The following TMEM164 variants were observed in gnomAD, a reference collection of about 807,000 sequenced individuals.
TMEM164 encodes RP13-360B22.2.
TMEM164 carries 4 observed loss-of-function variants against 18.8 expected under a neutral mutation model. The ratio of observed to expected loss-of-function variants is 0.21; its 90% CI spans 0.10 to 0.49. The LOEUF (loss-of-function observed/expected upper bound fraction) is 0.49. Ranked by LOEUF, TMEM164 falls within the 20% of genes least tolerant of loss-of-function variation. The pLI is 0.98. For missense variants in TMEM164, 108 were observed against 239.9 expected (o/e 0.45, Z 3.63); for synonymous variants, 86 against 101.7 (o/e 0.85, Z 0.93).
intron 2 of TMEM164, among the ~76,000 whole-genome samples, chrX:110,034,532 G>C (rs1398509576): frequency 8.9e-6 from 1 of 112,366 alleles, no homozygotes; most frequent in African/African-American, 3.2e-5. Flanking sequence ...GTGAGTGAAT[G>C]TGTGTGGCAG....
chrX:110,095,358 C>G (rs922364601), intron 3 of TMEM164, among the ~76,000 whole-genome samples: 15 of 111,945 alleles, frequency 1.3e-4, no homozygotes, highest in Non-Finnish European at 1.7e-4. Flanking sequence ...TCCCATATTT[C>G]TTGGAGGCTT....
At chrX:110,057,380 ATTTTCT>A (rs1935890000) in intron 2 of TMEM164, among the ~76,000 whole-genome samples, 2 of 110,515 alleles carry the variant, frequency 1.8e-5, no homozygotes, top group South Asian at 7.7e-4. Flanking sequence ...AATATACCAC[ATTTTCT>A]TTATTCATGC....
chrX:110,067,152 G>GCGCA (rs1936379820), intron 2 of TMEM164, among the ~76,000 whole-genome samples, 195 bp from the exon 3 acceptor site: 1 of 42,813 alleles, frequency 2.3e-5, no homozygotes, highest in African/African-American at 1.4e-4. Context: ...TCTCATGTGT[G>GCGCA]CGCACACACA....
At chrX:110,160,492 A>G (rs2067078447) in intron 5 of TMEM164, among the ~76,000 whole-genome samples, 1 of 112,358 alleles carries the variant, frequency 8.9e-6, no homozygotes, top group Non-Finnish European at 1.9e-5. Context: ...AATTTTAAAA[A>G]TATTTTGGTA....
At chrX:110,164,094 A>G (rs2067128862) in intron 5 of TMEM164, among the ~76,000 whole-genome samples, 1 of 112,221 alleles carries the variant, frequency 8.9e-6, no homozygotes, top group African/African-American at 3.2e-5. Context: ...ATTGCCTGGC[A>G]ACATGAAAGA....
At position 110,052,124 on chromosome X, in the gene TMEM164, A is replaced by T. The variant is rs181637204; in HGVS notation, c.391-15223A>T. Among the ~76,000 whole-genome samples the T allele has an allele frequency of 3.2e-4, 36 of 110,858 alleles. No homozygotes were observed. In the East Asian group the frequency reaches 6.5e-3, roughly 20 times the overall value. ...ATCTTAGCCATCAGTCCATGTTAGTACATATAAATCAACCTCATTCTTAAG... is the reference window on the plus strand; with the variant it reads ...ATCTTAGCCATCAGTCCATGTTAGTTCATATAAATCAACCTCATTCTTAAG... On this transcript the variant is annotated intron_variant, in intron 2 of 6. Transcript: ENST00000372068.
rs190070327 is a variant in TMEM164, at chrX:110,112,954, C to A, written c.507+3808C>A. 4.5e-5 allele frequency among the ~76,000 whole-genome samples: 5 copies of A among 111,135 alleles called. No individual in the cohort carries two copies. The East Asian group carries it at 1.4e-3, about 32-fold the overall frequency. ...CTCCAACATATGAATTTTGGGGGGACACAATTCAGCTCATAGCACCCATAC... is the reference window on the plus strand; with the variant it reads ...CTCCAACATATGAATTTTGGGGGGAAACAATTCAGCTCATAGCACCCATAC... On this transcript the variant is annotated intron_variant, in intron 4 of 6. Transcript: ENST00000372068.
At chrX:110,102,571 T>C (rs2066128221) in intron 3 of TMEM164, among the ~76,000 whole-genome samples, 1 of 112,206 alleles carries the variant, frequency 8.9e-6, no homozygotes, top group Admixed American at 9.4e-5. Flanking sequence ...TTGTTATGAA[T>C]AATGTGATAT....
chrX:110,021,894 C>T (rs935651968), intron 2 of TMEM164, among the ~76,000 whole-genome samples: 1 of 111,518 alleles, frequency 9.0e-6, no homozygotes, highest in Admixed American at 9.5e-5. Flanking sequence ...TTTTGTGAGC[C>T]CTTGAAGGCC....
At chrX:110,179,530 C>T (rs144897820), downstream of TMEM164, among the ~76,000 whole-genome samples, 947 of 112,411 alleles carry the variant, frequency 8.4e-3, 6 homozygotes, top group Non-Finnish European at 0.014. Flanking sequence ...TGGCATGCCA[C>T]GCCATTTCCC....
At chrX:110,076,104 C>CT (rs1342998629) in intron 3 of TMEM164, among the ~76,000 whole-genome samples, 5 of 106,034 alleles carry the variant, frequency 4.7e-5, no homozygotes, top group Non-Finnish European at 5.8e-5. Context: ...TGGTCCATGG[C>CT]TTTTTTTGGT....
intron 2 of TMEM164, among the ~76,000 whole-genome samples, chrX:110,037,566 C>A (rs1202498719): frequency 8.9e-6 from 1 of 111,963 alleles, no homozygotes; most frequent in African/African-American, 3.3e-5. Flanking sequence ...AGCTGGGGGG[C>A]TGTGGAGAAT....
chrX:110,061,922 C>T (rs917716698), intron 2 of TMEM164, among the ~76,000 whole-genome samples: 8 of 111,159 alleles, frequency 7.2e-5, no homozygotes, highest in Admixed American at 2.9e-4. Context: ...ATAGGATTAG[C>T]AAAGGCACAA....
At chrX:110,157,593 G>A (rs1018295368) in intron 5 of TMEM164, among the ~76,000 whole-genome samples, 4 of 111,712 alleles carry the variant, frequency 3.6e-5, no homozygotes, top group Non-Finnish European at 7.5e-5. Flanking sequence ...ACAAGTTGAT[G>A]ACAACTGCTG....
chrX:110,096,681 C>G (rs1340412419), intron 3 of TMEM164, among the ~76,000 whole-genome samples: 1 of 112,129 alleles, frequency 8.9e-6, no homozygotes, highest in African/African-American at 3.2e-5. Flanking sequence ...GCTTCATGGG[C>G]TGCACCCACT....
rs1491520805 is a variant in TMEM164 at position 110,087,121 on chromosome X, ATG to A, written c.440+19726_440+19727del. On this transcript the variant is annotated intron_variant, in intron 3 of 6. Coordinates refer to ENST00000372068, the MANE Select transcript of TMEM164 (RefSeq NM_032227.4). ...CTTGTAGTACAAATGGTGACTAGTG[ATG>A]CTTCTGGTAGTTGATCTGAGCTCTT... Among the ~76,000 whole-genome samples, 29 of 112,117 alleles carry A rather than the reference ATG, an allele frequency of 2.6e-4. No homozygotes were observed. The Admixed American group carries it at 2.8e-3, about 11-fold the overall frequency.
At chrX:110,118,815 C>T (rs778107860) in intron 4 of TMEM164, among the ~76,000 whole-genome samples, 9 of 111,370 alleles carry the variant, frequency 8.1e-5, no homozygotes, top group East Asian at 2.8e-4. Flanking sequence ...TCAAAAATGG[C>T]GACATTTGAT....
downstream of TMEM164, among the ~76,000 whole-genome samples, chrX:110,181,220 T>C (rs1001884505): frequency 5.4e-5 from 6 of 112,127 alleles, no homozygotes; most frequent in Non-Finnish European, 9.4e-5. Context: ...GACCTGACCG[T>C]CTATAGCAGT....
downstream of TMEM164, chrX:110,182,371 C>G (rs1018804180): frequency 8.9e-5 from 10 of 111,925 alleles, no homozygotes; most frequent in African/African-American, 2.9e-4. Context: ...GTTGAGCTCT[C>G]TCTTGGGACA....
Sources: gnomAD v4.1 joint callset for allele counts (sites outside exome capture counted in the v4.1 genomes callset) on GRCh38, gnomAD v4.1.1 for gene constraint, MANE v1.5 for transcripts, NCBI Gene and HGNC (gene_info 2026-07-23, HGNC 2026-07-21) for gene names.